The following SPRY3 variants were observed in gnomAD, a reference collection of about 807,000 sequenced individuals.
The protein encoded by SPRY3 is protein sprouty homolog 3.
A neutral mutation model predicts 20.2 loss-of-function variants in SPRY3; 15 were observed. That is an observed-to-expected ratio of 0.74 (90% confidence interval 0.50 to 1.14). SPRY3 has a LOEUF of 1.14. Among genes scored for constraint, SPRY3 ranks in the 50% most tolerant of loss-of-function variants. The pLI, the probability that SPRY3 is intolerant of heterozygous loss-of-function variation, is 0.00. For synonymous variants in SPRY3, 143 were observed against 136.5 expected (o/e 1.05, Z -0.33); for missense variants, 364 against 363.9 (o/e 1.00, Z 0.00).
chrX:155,725,782 T>C (rs2091093232), intron 2 of SPRY3, among the ~76,000 whole-genome samples: 4 of 152,178 alleles, frequency 2.6e-5, no homozygotes, highest in Non-Finnish European at 5.9e-5. Context: ...CCTGGATTCA[T>C]TGATTTTTTG....
chrX:155,710,494 T>C (rs938464425), intron 2 of SPRY3, among the ~76,000 whole-genome samples: 5 of 151,684 alleles, frequency 3.3e-5, no homozygotes, highest in Non-Finnish European at 7.4e-5. Flanking sequence ...TGCCATTGAG[T>C]TTTGTATGTT....
chrX:155,652,779 T>C (rs1557352531), intron 1 of SPRY3, among the ~76,000 whole-genome samples: 1 of 112,034 alleles, frequency 8.9e-6, no homozygotes, highest in Admixed American at 9.5e-5. Context: ...TAACTTTATG[T>C]GTAAGCTTTT....
intron 2 of SPRY3, among the ~76,000 whole-genome samples, chrX:155,670,185 A>G (rs473491): frequency 0.55 from 60,399 of 110,429 alleles, 14,230 homozygotes; most frequent in Middle Eastern, 0.77. Flanking sequence ...ACCCAGGTCT[A>G]TCTCTGGTTC....
intron 2 of SPRY3, among the ~76,000 whole-genome samples, chrX:155,708,802 C>G (rs1379282403): frequency 6.6e-6 from 1 of 151,360 alleles, no homozygotes; most frequent in Non-Finnish European, 1.5e-5. Context: ...ATTATTGACT[C>G]TAGTTCCCCC....
intron 2 of SPRY3, among the ~76,000 whole-genome samples, chrX:155,719,871 C>T (rs1251551106): frequency 2.0e-5 from 3 of 152,090 alleles, no homozygotes; most frequent in Admixed American, 2.0e-4. Context: ...ACATTCCCGG[C>T]TGTGGTGGCT....
chrX:155,679,017 G>C (rs1603132725), intron 2 of SPRY3, among the ~76,000 whole-genome samples: 1 of 110,510 alleles, frequency 9.0e-6, no homozygotes, highest in Non-Finnish European at 1.9e-5. Flanking sequence ...TGGACACAGA[G>C]CGGGGAACAT....
chrX:155,765,482 T>C (rs901286306), intron 2 of SPRY3, among the ~76,000 whole-genome samples: 61 of 152,212 alleles, frequency 4.0e-4, no homozygotes, highest in Non-Finnish European at 5.9e-4. Context: ...GAACAGCACC[T>C]GGCAAAGAGT....
intron 3 of SPRY3, among the ~76,000 whole-genome samples, chrX:155,768,761 G>T (rs1484954538): frequency 6.6e-6 from 1 of 152,198 alleles, no homozygotes; most frequent in Non-Finnish European, 1.5e-5. Flanking sequence ...TCAAAAGTGA[G>T]AACCTGTGAG....
chrX:155,734,717 T>C (rs1032606427), intron 2 of SPRY3, among the ~76,000 whole-genome samples: 5 of 152,088 alleles, frequency 3.3e-5, no homozygotes, highest in African/African-American at 1.2e-4. Context: ...AAATGAGGTA[T>C]GCCTGTATTA....
At chrX:155,735,756 T>C (rs1186515333) in intron 2 of SPRY3, among the ~76,000 whole-genome samples, 1 of 152,010 alleles carries the variant, frequency 6.6e-6, no homozygotes, top group African/African-American at 2.4e-5. Context: ...TTGTTTTTTA[T>C]CCACTGTGAT....
intron 2 of SPRY3, among the ~76,000 whole-genome samples, chrX:155,726,925 T>C (rs2091102264): frequency 6.6e-6 from 1 of 152,212 alleles, no homozygotes; most frequent in African/African-American, 2.4e-5. Context: ...TCAATGGTCT[T>C]TACAATTTGG....
At chrX:155,779,421 A>G (rs1329378785), downstream of SPRY3, 1 of 167,032 alleles carries the variant, frequency 6.0e-6, no homozygotes, top group South Asian at 2.1e-4. Context: ...TTAGAACTGT[A>G]CTATGTTTGC....
chrX:155,717,665 T>G (rs769646999), intron 2 of SPRY3, among the ~76,000 whole-genome samples: 4 of 152,246 alleles, frequency 2.6e-5, no homozygotes, highest in African/African-American at 9.6e-5. Flanking sequence ...TGTTTGGTTT[T>G]CTGTTCCTGT....
intron 2 of SPRY3, among the ~76,000 whole-genome samples, chrX:155,711,273 C>T (rs2090984244): frequency 6.6e-6 from 1 of 151,646 alleles, no homozygotes; most frequent in African/African-American, 2.4e-5. Context: ...AGCAGTGAAG[C>T]CAATGGGTCC....
At chrX:155,704,266 G>T (rs2090932438) in intron 2 of SPRY3, among the ~76,000 whole-genome samples, 1 of 151,650 alleles carries the variant, frequency 6.6e-6, no homozygotes. Flanking sequence ...ACCAGAAAAA[G>T]TGGACAACAC....
intron 2 of SPRY3, among the ~76,000 whole-genome samples, chrX:155,665,519 G>A (rs1168846300): frequency 6.3e-5 from 7 of 111,244 alleles, no homozygotes; most frequent in Non-Finnish European, 9.5e-5. Context: ...CTATGAAGTC[G>A]TTATGTGGAT....
At chrX:155,736,362 A>G (rs2091169437) in intron 2 of SPRY3, among the ~76,000 whole-genome samples, 1 of 151,786 alleles carries the variant, frequency 6.6e-6, no homozygotes, top group Non-Finnish European at 1.5e-5. Context: ...ACATTTTTTT[A>G]CAAGACAAGC....
rs2068055018 is a variant in SPRY3 at position 155,675,003 on chromosome X, A to C, written c.-282+17978A>C. Among the ~76,000 whole-genome samples the C allele has an allele frequency of 3.6e-5, 4 of 111,845 alleles. No individual in the cohort carries two copies. The South Asian group carries it at 1.5e-3, about 41-fold the overall frequency. ...CTTATAATTAATCCAGTAAGCAGAA[A>C]TGTTTGGGTATAATTGTTCAATTAA... On this transcript the variant is annotated intron_variant, in intron 2 of 3. Transcript: ENST00000675360.
chrX:155,767,589 A>G (rs2091341632), intron 2 of SPRY3, among the ~76,000 whole-genome samples: 2 of 116,424 alleles, frequency 1.7e-5, no homozygotes, highest in African/African-American at 3.3e-5. Flanking sequence ...GAAGAAGGGG[A>G]GGAGGGAAAG....
Sources: allele counts gnomAD v4.1 joint callset (sites outside exome capture counted in the v4.1 genomes callset), GRCh38; gene constraint gnomAD v4.1.1; transcripts MANE v1.5; gene names NCBI Gene and HGNC (gene_info 2026-07-23, HGNC 2026-07-21).